The following CCDC171 variants were observed in gnomAD, a reference collection of about 807,000 sequenced individuals.
The protein encoded by CCDC171 is coiled-coil domain-containing protein 171.
Under a neutral mutation model 168.2 loss-of-function variants are expected in CCDC171, and 177 were observed. The observed-to-expected ratio is 1.05, with a 90% CI of 0.93 to 1.19. The LOEUF (loss-of-function observed/expected upper bound fraction) is 1.19, where lower values mean the gene tolerates loss of function less well. CCDC171 is among the 50% of genes most tolerant of loss of function. The probability of loss-of-function intolerance (pLI) is 0.00; values close to 1 mark genes in which losing one functional copy is unlikely to be tolerated. For missense variants in CCDC171, 1,991 were observed against 1,539.0 expected (o/e 1.29, Z -4.91); for synonymous variants, 687 against 540.8 (o/e 1.27, Z -3.75).
chr9:16,072,982 A>G, the CCDC171 span, among the ~76,000 whole-genome samples: 10 of 152,346 alleles, frequency 6.6e-5, no homozygotes, highest in Middle Eastern at 3.4e-3. Flanking sequence ...GAGACTCAGG[A>G]TTAATATCTG....
At chr9:16,019,952 G>A (rs1349337659) in intron 3 of CCDC171, among the ~76,000 whole-genome samples, 2 of 152,180 alleles carry the variant, frequency 1.3e-5, no homozygotes, top group Non-Finnish European at 2.9e-5. Context: ...CTTGTCAAGA[G>A]ATGTTTGGGG....
intron 6 of CCDC171, among the ~76,000 whole-genome samples, chr9:16,030,927 A>C (rs1057149345): frequency 6.6e-6 from 1 of 152,132 alleles, no homozygotes; most frequent in Non-Finnish European, 1.5e-5. Context: ...CAGAAAGAGA[A>C]TGAAAATACT....
chr9:15,866,060 A>G (rs2061771732), intron 23 of CCDC171, among the ~76,000 whole-genome samples: 1 of 151,984 alleles, frequency 6.6e-6, no homozygotes, highest in Non-Finnish European at 1.5e-5. Context: ...ATGAATGACT[A>G]AATATTCTAA....
At chr9:15,582,329 G>C (rs996266280) in intron 4 of CCDC171, among the ~76,000 whole-genome samples, 2 of 152,226 alleles carry the variant, frequency 1.3e-5, no homozygotes, top group Non-Finnish European at 2.9e-5. Context: ...TACACTGTTG[G>C]TGGGAGTGTA....
intron 7 of CCDC171, among the ~76,000 whole-genome samples, chr9:15,637,115 G>A (rs1244329130): frequency 1.3e-5 from 2 of 152,022 alleles, no homozygotes; most frequent in South Asian, 2.1e-4. Context: ...AATTAGCCAG[G>A]CATGGTGGCG....
intron 24 of CCDC171, among the ~76,000 whole-genome samples, chr9:15,900,405 A>T (rs546717069): frequency 6.6e-6 from 1 of 152,146 alleles, no homozygotes; most frequent in Non-Finnish European, 1.5e-5. Flanking sequence ...CTTTTTCACA[A>T]TGGCAAGTAA....
intron 7 of CCDC171, among the ~76,000 whole-genome samples, chr9:15,624,919 A>T (rs2044922317): frequency 6.6e-6 from 1 of 152,084 alleles, no homozygotes; most frequent in Admixed American, 6.6e-5. Context: ...ACTAGTTTAC[A>T]CTCCCACCAA....
chr9:16,060,333 C>G (rs1197118683), intron 1 of CCDC171, among the ~76,000 whole-genome samples: 2 of 152,154 alleles, frequency 1.3e-5, no homozygotes, highest in African/African-American at 4.8e-5. Flanking sequence ...CCGTGAGGGT[C>G]TTTGCGTGGC....
chr9:15,748,283 A>G (rs182453927), intron 18 of CCDC171, among the ~76,000 whole-genome samples: 87 of 152,080 alleles, frequency 5.7e-4, no homozygotes, highest in African/African-American at 2.0e-3. Flanking sequence ...AAAAAGGAGT[A>G]AAAAAAATGA....
At chr9:15,739,038 G>A (rs1455497393) in intron 16 of CCDC171, among the ~76,000 whole-genome samples, 1 of 152,134 alleles carries the variant, frequency 6.6e-6, no homozygotes, top group Non-Finnish European at 1.5e-5. Context: ...CTAGGAACTA[G>A]CAATCTTGTA....
At position 15,818,074 on chromosome 9, in the gene CCDC171, A is replaced by G. The variant is rs527786848; in HGVS notation, c.3268-28628A>G. Among the ~76,000 whole-genome samples, 33 of 117,964 alleles carry G rather than the reference A, an allele frequency of 2.8e-4. 7 individuals are homozygous for G. Among genetic ancestry groups the G allele is most frequent in the African/African-American group, 8.6e-4 (27 of 31,486 alleles). 77.4% of individuals were successfully genotyped at this position (117,964 alleles called of 152,430 possible). A position where few individuals can be genotyped will look rare whatever the true frequency, so the allele number is the denominator to read the frequency against. ...TCTGCAGCCACCACTGCTGATACCCAGGCAAACAGGGTCTGGAGTGGACCT... is the reference window on the plus strand; with the variant it reads ...TCTGCAGCCACCACTGCTGATACCCGGGCAAACAGGGTCTGGAGTGGACCT... On this transcript the variant is annotated intron_variant, in intron 21 of 25. Coordinates refer to ENST00000380701, the MANE Select transcript of CCDC171 (RefSeq NM_173550.4).
At chr9:15,892,642 C>T (rs1025191074) in intron 24 of CCDC171, among the ~76,000 whole-genome samples, 1 of 152,000 alleles carries the variant, frequency 6.6e-6, no homozygotes, top group African/African-American at 2.4e-5. Context: ...CAACAACAGG[C>T]AAGCCGAAAG....
At chr9:15,695,748 T>C (rs146712050) in intron 11 of CCDC171, among the ~76,000 whole-genome samples, 3 of 152,354 alleles carry the variant, frequency 2.0e-5, no homozygotes, top group Admixed American at 6.5e-5. Flanking sequence ...GGCTGTAGCA[T>C]AGCGCATGTT....
At chr9:15,692,418 ACT>A (rs1358125568) in intron 10 of CCDC171, among the ~76,000 whole-genome samples, 3 of 146,674 alleles carry the variant, frequency 2.0e-5, no homozygotes, top group Admixed American at 1.3e-4. Flanking sequence ...TTTACTTTTT[ACT>A]CTTTTTTAAA....
intron 18 of CCDC171, among the ~76,000 whole-genome samples, chr9:15,772,027 T>C (rs2057039315): frequency 6.6e-6 from 1 of 152,074 alleles, no homozygotes; most frequent in Non-Finnish European, 1.5e-5. Context: ...AGTGACGGGG[T>C]TTCTCTGTGT....
chr9:15,974,164 G>A (rs1831553229), downstream of CCDC171: 2 of 151,690 alleles, frequency 1.3e-5, no homozygotes, highest in South Asian at 4.2e-4. Flanking sequence ...GATGCTAAAG[G>A]CCATAGAAAC....
At chr9:15,726,727 A>T (rs1486647993) in intron 14 of CCDC171, among the ~76,000 whole-genome samples, 2 of 152,116 alleles carry the variant, frequency 1.3e-5, no homozygotes, top group African/African-American at 2.4e-5. Flanking sequence ...ACTTTTACAT[A>T]TGCTATATTC....
chr9:15,790,630 G>C (rs1245409203), intron 21 of CCDC171, among the ~76,000 whole-genome samples: 1 of 152,140 alleles, frequency 6.6e-6, no homozygotes, highest in African/African-American at 2.4e-5. Context: ...TTCGGCTTTT[G>C]TTGCCATTGC....
intron 6 of CCDC171, among the ~76,000 whole-genome samples, chr9:15,602,290 G>C (rs1230083728): frequency 6.9e-6 from 1 of 145,024 alleles, no homozygotes; most frequent in African/African-American, 2.4e-5. Flanking sequence ...GTTGGCTGTT[G>C]ATGGGTTTAG....
Sources: allele counts gnomAD v4.1 joint callset (sites outside exome capture counted in the v4.1 genomes callset), GRCh38; gene constraint gnomAD v4.1.1; transcripts MANE v1.5; gene names NCBI Gene and HGNC (gene_info 2026-07-23, HGNC 2026-07-21).